The following ARID1B variants were observed in gnomAD, a reference collection of about 807,000 sequenced individuals.
ARID1B encodes AT-rich interactive domain-containing protein 1B.
A neutral mutation model predicts 212.3 loss-of-function variants in ARID1B; 30 were observed. That is an observed-to-expected ratio of 0.14 (90% CI 0.11 to 0.19). ARID1B has a LOEUF of 0.19. Among genes scored for constraint, ARID1B ranks in the 10% least tolerant of loss-of-function variants. The pLI is 1.00. For synonymous variants in ARID1B, 1,402 were observed against 1,301.7 expected, an observed-to-expected ratio of 1.08 and a Z score of -1.66; for missense variants, 2,891 against 3,204.0, an observed-to-expected ratio of 0.90 and a Z score of 2.36.
At chr6:156,934,962 A>G (rs1322410535) in intron 3 of ARID1B, among the ~76,000 whole-genome samples, 5 of 86,518 alleles carry the variant, frequency 5.8e-5, no homozygotes, top group East Asian at 3.5e-4. Flanking sequence ...ATATATATAT[A>G]GTTTATATTT....
intron 4 of ARID1B, among the ~76,000 whole-genome samples, chr6:157,035,658 T>G (rs1781280079): frequency 6.6e-6 from 1 of 152,240 alleles, no homozygotes; most frequent in African/African-American, 2.4e-5. Flanking sequence ...TAAAATCATA[T>G]TTGGTATCAG....
At chr6:157,121,794 G>A (rs918701708) in intron 6 of ARID1B, among the ~76,000 whole-genome samples, 2 of 151,970 alleles carry the variant, frequency 1.3e-5, no homozygotes, top group East Asian at 1.9e-4. Context: ...ACCACGCCCG[G>A]CTAATTTTTG....
chr6:156,784,948 T>TG (rs1779534901), intron 1 of ARID1B, among the ~76,000 whole-genome samples: 1 of 152,058 alleles, frequency 6.6e-6, no homozygotes, highest in Non-Finnish European at 1.5e-5. Flanking sequence ...TTCGTAGAGA[T>TG]GGGGTTTCGC....
chr6:156,931,684 C>T (rs528673124), intron 3 of ARID1B, among the ~76,000 whole-genome samples: 13 of 152,074 alleles, frequency 8.5e-5, no homozygotes, highest in East Asian at 5.8e-4. Context: ...TAAATTAGGC[C>T]GGGCACGGTG....
chr6:156,927,239 A>G (rs558436496), intron 3 of ARID1B, among the ~76,000 whole-genome samples: 1 of 152,068 alleles, frequency 6.6e-6, no homozygotes, highest in Admixed American at 6.5e-5. Flanking sequence ...CATTTCTAGG[A>G]TTTTCCTCCA....
intron 4 of ARID1B, among the ~76,000 whole-genome samples, chr6:156,944,949 G>T (rs1212578653): frequency 6.9e-6 from 1 of 145,008 alleles, no homozygotes; most frequent in Non-Finnish European, 1.5e-5. Flanking sequence ...TTGAGACGGA[G>T]TCTCGCTGTG....
intron 1 of ARID1B, among the ~76,000 whole-genome samples, chr6:156,792,732 T>A (rs1390441642): frequency 6.6e-6 from 1 of 152,200 alleles, no homozygotes; most frequent in East Asian, 1.9e-4. Context: ...CTTTCAAAGC[T>A]GAGCTTTTCC....
chr6:156,847,714 C>T (rs1784322070), intron 2 of ARID1B, among the ~76,000 whole-genome samples: 1 of 152,130 alleles, frequency 6.6e-6, no homozygotes, highest in Non-Finnish European at 1.5e-5. Flanking sequence ...TGCAGGTAAA[C>T]ATGATTTTTC....
chr6:156,908,942 A>G (rs773889478), intron 3 of ARID1B, among the ~76,000 whole-genome samples: 21 of 152,036 alleles, frequency 1.4e-4, no homozygotes, highest in Non-Finnish European at 1.9e-4. Flanking sequence ...GAGCACTCCT[A>G]TGCCCTCACG....
chr6:157,177,856 T>A (rs1237164141), intron 11 of ARID1B, among the ~76,000 whole-genome samples: 1 of 152,168 alleles, frequency 6.6e-6, no homozygotes, highest in Non-Finnish European at 1.5e-5. Context: ...AACCCGTCTT[T>A]CCGAAGGGCG....
intron 6 of ARID1B, among the ~76,000 whole-genome samples, chr6:157,121,792 C>A (rs551222332): frequency 6.6e-6 from 1 of 151,948 alleles, no homozygotes; most frequent in Non-Finnish European, 1.5e-5. Context: ...TCACCACGCC[C>A]GGCTAATTTT....
intron 5 of ARID1B, among the ~76,000 whole-genome samples, chr6:157,108,568 G>A (rs984623897): frequency 1.3e-5 from 2 of 152,144 alleles, no homozygotes; most frequent in African/African-American, 4.8e-5. Flanking sequence ...TAGATTGGAG[G>A]CCTTAGGGTA....
chr6:156,790,593 G>A (rs1318913082), intron 1 of ARID1B, among the ~76,000 whole-genome samples: 1 of 152,082 alleles, frequency 6.6e-6, no homozygotes, highest in African/African-American at 2.4e-5. Flanking sequence ...TATTATTGTT[G>A]ACTGTTGGAA....
intron 4 of ARID1B, among the ~76,000 whole-genome samples, chr6:157,040,025 C>T (rs1781773762): frequency 6.6e-6 from 1 of 151,744 alleles, no homozygotes; most frequent in African/African-American, 2.4e-5. Flanking sequence ...TTTCAGCTCA[C>T]TGCAACCTCT....
intron 3 of ARID1B, among the ~76,000 whole-genome samples, chr6:156,923,374 T>A (rs941427629): frequency 6.6e-6 from 1 of 152,182 alleles, no homozygotes; most frequent in Admixed American, 6.5e-5. Flanking sequence ...TTGTCAGCTG[T>A]CAGGTAGGGT....
chr6:157,144,294 G>T (rs955162985), intron 7 of ARID1B, among the ~76,000 whole-genome samples: 1 of 152,092 alleles, frequency 6.6e-6, no homozygotes, highest in African/African-American at 2.4e-5. Context: ...TAATAAAACC[G>T]CATGATGGGT....
intron 1 of ARID1B, among the ~76,000 whole-genome samples, chr6:156,823,873 G>A (rs556825151): frequency 6.6e-6 from 1 of 152,020 alleles, no homozygotes; most frequent in African/African-American, 2.4e-5. Context: ...TACTCTGAAA[G>A]CCTGATAACA....
chr6:157,074,533 GATT>G (rs1473226698), intron 4 of ARID1B, among the ~76,000 whole-genome samples: 1 of 152,096 alleles, frequency 6.6e-6, no homozygotes, highest in Non-Finnish European at 1.5e-5. Context: ...CCAATTTACA[GATT>G]ATTGATCAGA....
intron 2 of ARID1B, among the ~76,000 whole-genome samples, chr6:156,888,982 TG>T (rs1469842500): frequency 6.6e-6 from 1 of 152,220 alleles, no homozygotes; most frequent in Admixed American, 6.5e-5. Flanking sequence ...AAAGTGAGTG[TG>T]GCTCTTTTTA....
Sources: allele counts gnomAD v4.1 joint callset (sites outside exome capture counted in the v4.1 genomes callset), GRCh38; gene constraint gnomAD v4.1.1; transcripts MANE v1.5; gene names NCBI Gene and HGNC (gene_info 2026-07-23, HGNC 2026-07-21).